Variants in AVEN observed in about 807,000 individuals in gnomAD.
The protein encoded by AVEN is cell death regulator Aven.
A neutral mutation model predicts 38.1 loss-of-function variants in AVEN; 41 were observed. The ratio of observed to expected loss-of-function variants is 1.08; its 90% CI spans 0.84 to 1.40. The LOEUF (loss-of-function observed/expected upper bound fraction) is 1.40, where lower values mean the gene tolerates loss of function less well. AVEN is among the 40% of genes most tolerant of loss of function. The pLI, the probability that AVEN is intolerant of heterozygous loss-of-function variation, is 0.00. For missense variants in AVEN, 605 were observed against 438.8 expected, an observed-to-expected ratio of 1.38 and a Z score of -3.38; for synonymous variants, 206 against 171.8, an observed-to-expected ratio of 1.20 and a Z score of -1.56.
downstream of AVEN, chr15:33,854,955 C>A (rs1200580524): frequency 2.0e-6 from 3 of 1,537,870 alleles, no homozygotes; most frequent in African/African-American, 1.4e-5. Context: ...CCTGTATATG[C>A]ACAGGAAAAA....
intron 2 of AVEN, among the ~76,000 whole-genome samples, chr15:33,905,669 CA>C (rs1449089818): frequency 3.9e-5 from 6 of 152,138 alleles, no homozygotes; most frequent in Middle Eastern, 3.4e-3. Flanking sequence ...ACAAAAAATA[CA>C]AAAAATTAGC....
At chr15:34,064,291 G>A in intron 4 of AVEN, 1 of 1,613,668 alleles carries the variant, frequency 6.2e-7, no homozygotes, top group South Asian at 1.1e-5. Context: ...AAGTTGTACT[G>A]GCAGGGGAAC....
chr15:33,979,824 A>G lies in AVEN; in HGVS notation c.445+23208T>C, dbSNP rs148529964. 7.2e-5 allele frequency among the ~76,000 whole-genome samples: 11 copies of G among 152,326 alleles called. No homozygotes were observed. The East Asian group carries it at 2.1e-3, about 29-fold the overall frequency. The stretch of plus-strand genomic sequence containing the variant: ...GAGCTCCAGTGGTCAAGAAAAATGC[A>G]ATGCATATATGCTTATATATTTTTC... On this transcript the variant is annotated intron_variant, in intron 2 of 5. Transcript: ENST00000306730.
At chr15:33,961,684 G>A (rs1345757430) in intron 2 of AVEN, among the ~76,000 whole-genome samples, 1 of 151,426 alleles carries the variant, frequency 6.6e-6, no homozygotes, top group South Asian at 2.1e-4. Flanking sequence ...GTGGTGGCGG[G>A]CACCTGTAGT....
intron 2 of AVEN, among the ~76,000 whole-genome samples, chr15:33,983,131 T>C (rs1021559045): frequency 4.1e-5 from 4 of 97,702 alleles, no homozygotes; most frequent in Non-Finnish European, 6.1e-5. Flanking sequence ...CCATACTCTG[T>C]GTGTGTGTGT....
At chr15:34,002,248 C>T (rs1024649440) in intron 2 of AVEN, among the ~76,000 whole-genome samples, 3 of 152,186 alleles carry the variant, frequency 2.0e-5, no homozygotes, top group Non-Finnish European at 4.4e-5. Context: ...TATCTGCCAC[C>T]GCAGTCAAGA....
At chr15:34,044,992 G>A (rs933055016) in intron 5 of AVEN, among the ~76,000 whole-genome samples, 1 of 152,218 alleles carries the variant, frequency 6.6e-6, no homozygotes, top group Non-Finnish European at 1.5e-5. Context: ...AGCTTGCAGT[G>A]AGCCGAGATC....
chr15:33,883,517 T>C (rs1891577656), intron 2 of AVEN: 1 of 152,180 alleles, frequency 6.6e-6, no homozygotes, highest in African/African-American at 2.4e-5. Flanking sequence ...AGATACCCAT[T>C]ATCTCAACTG....
chr15:34,042,812 C>T (rs935414459), upstream of AVEN, among the ~76,000 whole-genome samples: 8 of 152,120 alleles, frequency 5.3e-5, no homozygotes, highest in African/African-American at 1.9e-4. Flanking sequence ...AATGCAAATT[C>T]AGAATTAAAA....
At chr15:33,865,059 G>T, downstream of AVEN, 1 of 1,208,322 alleles carries the variant, frequency 8.3e-7, no homozygotes, top group Non-Finnish European at 1.2e-6. Context: ...GAGCCACAAA[G>T]AACAAAAACA....
chr15:34,002,973 T>C, intron 2 of AVEN, 59 bp downstream of exon 2: 1 of 1,408,072 alleles, frequency 7.1e-7, no homozygotes, highest in Non-Finnish European at 9.6e-7. Flanking sequence ...AAAACATATA[T>C]AAAATGTCTG....
chr15:33,974,029 A>G (rs1895762323), intron 2 of AVEN, among the ~76,000 whole-genome samples: 3 of 152,204 alleles, frequency 2.0e-5, no homozygotes, highest in Non-Finnish European at 4.4e-5. Flanking sequence ...AGGAGATAAT[A>G]TCTGTTAGGG....
chr15:33,884,361 TC>T (rs1474650738), intron 2 of AVEN, among the ~76,000 whole-genome samples: 1 of 152,154 alleles, frequency 6.6e-6, no homozygotes, highest in Non-Finnish European at 1.5e-5. Flanking sequence ...TTTTAGGAAA[TC>T]ACCTCAGGAA....
At chr15:34,021,521 G>A (rs1898198802) in intron 1 of AVEN, among the ~76,000 whole-genome samples, 1 of 152,060 alleles carries the variant, frequency 6.6e-6, no homozygotes, top group African/African-American at 2.4e-5. Flanking sequence ...CTGACCTCAG[G>A]TGAGCCACCG....
intron 1 of AVEN, 26 bp downstream of exon 1, chr15:34,038,754 C>T: frequency 8.6e-7 from 1 of 1,158,572 alleles, no homozygotes; most frequent in Non-Finnish European, 1.1e-6. Flanking sequence ...CACGCGGTCC[C>T]AGCCCCACCA....
At chr15:34,065,487 T>A (rs1294840563) in intron 4 of AVEN, 3 of 152,198 alleles carry the variant, frequency 2.0e-5, no homozygotes. Context: ...TCTTTTTTTA[T>A]AGGTCCTTCA....
At chr15:33,899,736 G>A (rs1892411880) in intron 2 of AVEN, among the ~76,000 whole-genome samples, 1 of 152,038 alleles carries the variant, frequency 6.6e-6, no homozygotes, top group Non-Finnish European at 1.5e-5. Context: ...AAAGTGCTGA[G>A]ATGACAGGCA....
chr15:33,936,330 G>T (rs2153052338), intron 2 of AVEN, among the ~76,000 whole-genome samples: 1 of 152,268 alleles, frequency 6.6e-6, no homozygotes, highest in Non-Finnish European at 1.5e-5. Flanking sequence ...GTTCACTAAG[G>T]TTACTGGATC....
At position 34,063,246 on chromosome 15, in the gene AVEN, A is replaced by G. The variant is rs1900409275; in HGVS notation, n.1313T>C. ...CTGGCAGTACTTGGTTGGGAAGCGG[A>G]CAGTTCCACTGGATGAGTGCCAGAT... On this transcript the variant is annotated non_coding_transcript_exon_variant, in exon 5 of 12. Coordinates refer to the AVEN transcript ENST00000675287. This position sits in a 1 kb window ranked among gnomAD's most constrained non-coding sequence, Gnocchi z 4.1. 1.2e-6 allele frequency: 2 copies of G among 1,614,030 alleles called. No individual in the cohort carries two copies. The highest frequency in any genetic ancestry group is 2.7e-5 in the African/African-American group (2 of 74,906).
Sources: allele counts gnomAD v4.1 joint callset (sites outside exome capture counted in the v4.1 genomes callset), GRCh38; gene constraint gnomAD v4.1.1; non-coding constraint Gnocchi (gnomAD v3.1); transcripts MANE v1.5; gene names NCBI Gene and HGNC (gene_info 2026-07-23, HGNC 2026-07-21).